The following ANKRD13A variants were observed in gnomAD, a reference collection of about 807,000 sequenced individuals.
ANKRD13A encodes the protein ankyrin repeat domain-containing protein 13A.
ANKRD13A carries 48 observed loss-of-function variants against 81.3 expected under a neutral mutation model. That is an observed-to-expected ratio of 0.59 (90% CI 0.47 to 0.75). The LOEUF is 0.75. Among genes scored for constraint, ANKRD13A ranks in the 30% least tolerant of loss-of-function variants. The pLI is 0.00. For synonymous variants in ANKRD13A, 230 were observed against 270.1 expected, an observed-to-expected ratio of 0.85 and a Z score of 1.45; for missense variants, 612 against 734.0, an observed-to-expected ratio of 0.83 and a Z score of 1.92.
chr12:110,033,521 A>T lies in ANKRD13A; in HGVS notation c.1349-276A>T, dbSNP rs907347900. On this transcript the variant is annotated intron_variant, in intron 12 of 14. Transcript: ENST00000261739. Reference sequence around the variant, plus strand: ...GAAACACATTGGTGTGACTGTGCGTATATGTTTAGGGGGAGAAATCTGCGC... The same window carrying T: ...GAAACACATTGGTGTGACTGTGCGTTTATGTTTAGGGGGAGAAATCTGCGC... Among the ~76,000 whole-genome samples, 64 of 152,204 alleles carry T rather than the reference A, an allele frequency of 4.2e-4. 1 individual carries two copies. Among genetic ancestry groups the T allele is most frequent in the African/African-American group, 1.3e-3 (55 of 41,542 alleles).
At chr12:110,021,121 C>G (rs546178380) in intron 6 of ANKRD13A, 1 of 456,842 alleles carries the variant, frequency 2.2e-6, no homozygotes, top group African/African-American at 2.0e-5. Context: ...TTTCAGAGTT[C>G]TCAAGCTAAC....
intron 2 of ANKRD13A, 69 bp downstream of exon 2, chr12:110,012,206 A>G: frequency 6.7e-7 from 1 of 1,501,702 alleles, no homozygotes; most frequent in East Asian, 2.5e-5. Context: ...TCTACAAAAA[A>G]ATATGAAAAT....
intron 6 of ANKRD13A, among the ~76,000 whole-genome samples, chr12:110,020,769 G>A (rs1384636507): frequency 1.3e-5 from 2 of 152,218 alleles, no homozygotes; most frequent in Non-Finnish European, 2.9e-5. Context: ...GATGAGATGG[G>A]GAGGAACTGA....
At chr12:110,034,002 A>G (rs758559728) in intron 13 of ANKRD13A, 45 bp downstream of exon 13, 1 of 1,537,770 alleles carries the variant, frequency 6.5e-7, no homozygotes, top group Non-Finnish European at 8.8e-7. Flanking sequence ...GGGAGGTCTT[A>G]CCCTCTGGGT....
At chr12:110,000,694 T>G (rs1889909818) in intron 1 of ANKRD13A, among the ~76,000 whole-genome samples, 1 of 151,350 alleles carries the variant, frequency 6.6e-6, no homozygotes, top group African/African-American at 2.4e-5. Flanking sequence ...AACTAAGACT[T>G]CTCCGGCCCC....
intron 6 of ANKRD13A, among the ~76,000 whole-genome samples, chr12:110,022,672 T>G (rs1593218579): frequency 6.6e-6 from 1 of 152,148 alleles, no homozygotes; most frequent in East Asian, 1.9e-4. Context: ...AGACATCAAG[T>G]GACTTAAGCA....
chr12:110,029,362 G>T, intron 10 of ANKRD13A, 116 bp from the exon 11 acceptor site: 1 of 1,121,804 alleles, frequency 8.9e-7, no homozygotes, highest in South Asian at 1.5e-5. Context: ...TGAATTAAGA[G>T]ATGACTGGGC....
intron 8 of ANKRD13A, 119 bp from the exon 9 acceptor site, chr12:110,027,586 C>T: frequency 1.1e-6 from 1 of 887,790 alleles, no homozygotes; most frequent in South Asian, 1.4e-5. Flanking sequence ...TTTGATCAGC[C>T]AGTCTGTAAT....
chr12:110,023,640 A>G (rs1282825275), intron 6 of ANKRD13A: 1 of 169,224 alleles, frequency 5.9e-6, no homozygotes, highest in African/African-American at 2.4e-5. Flanking sequence ...AGATCCCACC[A>G]TTGACATGCA....
At position 110,018,310 on chromosome 12, in the gene ANKRD13A, T is replaced by G; in HGVS notation, c.401-35T>G. The stretch of plus-strand genomic sequence containing the variant: ...TGGCCTAGGTATTCTTCTTGGCCCT[T>G]GAGTTTTTCTCAGTAGTACACTTCT... On this transcript the variant is annotated intron_variant, in intron 4 of 14. Transcript: ENST00000261739. This position sits in a 1 kb window ranked among gnomAD's most constrained non-coding sequence, Gnocchi z 4.4. 3.1e-6 allele frequency: 5 copies of G among 1,601,550 alleles called. No homozygotes were observed. The highest frequency in any genetic ancestry group is 4.3e-6 in the Non-Finnish European group (5 of 1,171,450).
intron 3 of ANKRD13A, among the ~76,000 whole-genome samples, chr12:110,014,356 G>A (rs1890682159): frequency 6.6e-6 from 1 of 152,156 alleles, no homozygotes; most frequent in African/African-American, 2.4e-5. Context: ...AGCTTGCAGT[G>A]AGCCGAGATT....
chr12:110,030,814 G>A (rs1891642203), intron 12 of ANKRD13A, 56 bp downstream of exon 12: 1 of 1,217,458 alleles, frequency 8.2e-7, no homozygotes, highest in African/African-American at 1.6e-5. Context: ...AAAATTTATG[G>A]CCGGACGTGG....
chr12:110,003,741 G>T (rs1055007204), intron 1 of ANKRD13A, among the ~76,000 whole-genome samples: 1 of 152,194 alleles, frequency 6.6e-6, no homozygotes, highest in East Asian at 1.9e-4. Flanking sequence ...CTCAGAGCTC[G>T]GCAGGAGGAT....
chr12:110,025,182 C>T (rs1461819426), intron 7 of ANKRD13A, among the ~76,000 whole-genome samples: 1 of 152,010 alleles, frequency 6.6e-6, no homozygotes, highest in Non-Finnish European at 1.5e-5. Context: ...ATGGTGAAAC[C>T]CCGTCTCTAC....
At chr12:110,017,964 T>C (rs553461574) in intron 4 of ANKRD13A, among the ~76,000 whole-genome samples, 85 of 152,016 alleles carry the variant, frequency 5.6e-4, no homozygotes, top group African/African-American at 2.0e-3. Context: ...CTTTAGACAT[T>C]TGATACTCTG....
Position 110,028,630 on chromosome 12 carries a change from T to A in ANKRD13A, c.1064T>A (p.Ile355Asn), listed in dbSNP as rs1891488663. 2 of 1,614,068 alleles carry A rather than the reference T, an allele frequency of 1.2e-6. No homozygotes were observed. Among genetic ancestry groups the A allele is most frequent in the Non-Finnish European group, 1.7e-6 (2 of 1,180,014 alleles). The change falls in exon 10 of 15, where the codon ATT (isoleucine) becomes AAT (asparagine). Residue 355 changes from isoleucine (I) to asparagine (N), a missense_variant. Coordinates refer to ENST00000261739, the MANE Select transcript of ANKRD13A (RefSeq NM_033121.2). ...ATTGGAAGGCCGAAAGAGCTGACGA[T>A]TAGAACACAGAAGTAAGAGAGGTTC... The part of the protein sequence containing the change: ...RDIGRPKELT[I>N]RTQKFKAMLW...
chr12:110,028,533 A>G lies in ANKRD13A; in HGVS notation c.967A>G (p.Thr323Ala), dbSNP rs753903377. The G allele has an allele frequency of 1.4e-5, 22 of 1,614,044 alleles. No homozygotes were observed. Among genetic ancestry groups the G allele is most frequent in the Non-Finnish European group, 1.8e-5 (21 of 1,180,026 alleles). The change falls in exon 10 of 15, where the codon ACT becomes GCT. Residue 323 changes from threonine (T) to alanine (A), a missense_variant. Physicochemically the swap from Thr to Ala is moderately conservative, Grantham distance 58. Transcript: ENST00000261739. ...AQGDLTTECA[T>A]ANNPTAITPD... is the part of the protein sequence containing the mutation. ...GCAGGACCTCACCACGGAATGTGCT[A>G]CTGCAAACAACCCCACAGCCATCAC...
At chr12:110,035,445 A>ATT (rs112223294) in intron 13 of ANKRD13A, among the ~76,000 whole-genome samples, 5 of 146,124 alleles carry the variant, frequency 3.4e-5, no homozygotes, top group African/African-American at 1.2e-4. Context: ...TATCTACCAA[A>ATT]TTTTTTTTTT....
chr12:110,010,767 A>C (rs1400555835), intron 1 of ANKRD13A, among the ~76,000 whole-genome samples: 1 of 152,248 alleles, frequency 6.6e-6, no homozygotes, highest in Non-Finnish European at 1.5e-5. Context: ...TAGTTTTCGC[A>C]AAACAGGGAG....
Sources: allele counts gnomAD v4.1 joint callset (sites outside exome capture counted in the v4.1 genomes callset), GRCh38; gene constraint gnomAD v4.1.1; non-coding constraint Gnocchi (gnomAD v3.1); transcripts MANE v1.5; gene names NCBI Gene and HGNC (gene_info 2026-07-23, HGNC 2026-07-21).